GFRA2: variants seen among roughly 807,000 people sequenced by gnomAD.
GFRA2 encodes GDNF family receptor alpha 2, also known as GDNF family receptor alpha-2.
GFRA2 carries 17 observed loss-of-function variants against 48.3 expected under a neutral mutation model. That is an observed-to-expected ratio of 0.35 (90% CI 0.24 to 0.53). The LOEUF (loss-of-function observed/expected upper bound fraction) is 0.53. Ranked by LOEUF, GFRA2 falls within the 20% of genes least tolerant of loss-of-function variation. The probability of loss-of-function intolerance (pLI) is 0.93; values close to 1 mark genes in which losing one functional copy is unlikely to be tolerated. For synonymous variants in GFRA2, 305 were observed against 257.2 expected (o/e 1.19, Z -1.78); for missense variants, 660 against 637.3 (o/e 1.04, Z -0.38).
intron 2 of GFRA2, among the ~76,000 whole-genome samples, chr8:21,797,287 CTT>C (rs1159867192): frequency 3.4e-4 from 29 of 85,632 alleles, no homozygotes; most frequent in African/African-American, 1.1e-3. Context: ...CCTTTCTTTG[CTT>C]TTTTTTTTTT....
intron 7 of GFRA2, among the ~76,000 whole-genome samples, chr8:21,700,336 C>A (rs755393437): frequency 7.9e-5 from 12 of 152,198 alleles, no homozygotes; most frequent in Non-Finnish European, 1.6e-4. Flanking sequence ...GGAGGCAGGG[C>A]TGCCCAGAGA....
chr8:21,707,223 G>C (rs1802792743), intron 4 of GFRA2, among the ~76,000 whole-genome samples: 1 of 152,152 alleles, frequency 6.6e-6, no homozygotes, highest in African/African-American at 2.4e-5. Context: ...CAGAACCCAG[G>C]TCACCCAAAT....
At chr8:21,766,924 C>G (rs938134776) in intron 3 of GFRA2, among the ~76,000 whole-genome samples, 1 of 75,012 alleles carries the variant, frequency 1.3e-5, no homozygotes, top group Non-Finnish European at 2.9e-5. Flanking sequence ...CATACCTACA[C>G]ACACAAACAC....
chr8:21,709,284 C>T (rs1226763411), intron 4 of GFRA2, among the ~76,000 whole-genome samples: 2 of 152,236 alleles, frequency 1.3e-5, no homozygotes, highest in Non-Finnish European at 2.9e-5. Flanking sequence ...GGATTTCTTC[C>T]GTTTCCATAT....
chr8:21,730,963 TAG>T (rs1174980427), intron 4 of GFRA2, among the ~76,000 whole-genome samples: 1 of 151,902 alleles, frequency 6.6e-6, no homozygotes, highest in African/African-American at 2.4e-5. Context: ...CGAGACGAGG[TAG>T]ATTCAGGGCT....
intron 4 of GFRA2, among the ~76,000 whole-genome samples, chr8:21,729,990 T>C (rs1472217103): frequency 6.6e-6 from 1 of 151,898 alleles, no homozygotes; most frequent in Non-Finnish European, 1.5e-5. Flanking sequence ...CTCTGGGGAA[T>C]TCAGGGAGGA....
intron 2 of GFRA2, among the ~76,000 whole-genome samples, chr8:21,777,133 G>A (rs1451322509): frequency 6.6e-6 from 1 of 152,208 alleles, no homozygotes; most frequent in Admixed American, 6.5e-5. Flanking sequence ...TAAGTAGCTT[G>A]ACCAAGGTCA....
intron 7 of GFRA2, among the ~76,000 whole-genome samples, chr8:21,700,172 G>A (rs1802401234): frequency 6.6e-6 from 1 of 152,192 alleles, no homozygotes; most frequent in South Asian, 2.1e-4. Flanking sequence ...GTCCAAGACT[G>A]ACCTGACACT....
rs1802662765 is a variant in GFRA2, at chr8:21,704,934, C to T, written c.1045+51G>A. 19 of 1,397,776 alleles carry T rather than the reference C, an allele frequency of 1.4e-5. No homozygotes were observed. In the South Asian group the frequency reaches 2.0e-4, roughly 15 times the overall value. The allele number at this position is 1,397,776 out of a possible 1,614,324, so 86.6% of individuals were successfully genotyped here. A position where few individuals can be genotyped will look rare whatever the true frequency, so the allele number is the denominator to read the frequency against. ...AGATGGGAATGGCTAGGACAGACTC[C>T]AGGAGGGGTGGGAGGGGCTGCTGGG... On this transcript the variant is annotated intron_variant, in intron 6 of 8. Coordinates refer to ENST00000524240, the MANE Select transcript of GFRA2 (RefSeq NM_001495.5).
At chr8:21,775,937 G>C (rs1806672277) in intron 2 of GFRA2, among the ~76,000 whole-genome samples, 1 of 151,760 alleles carries the variant, frequency 6.6e-6, no homozygotes, top group African/African-American at 2.4e-5. Flanking sequence ...AAAGGAAATA[G>C]TCTCTTGAGA....
rs111678009 is a variant in GFRA2 at position 21,754,843 on chromosome 8, G to A, written c.440-3901C>T. 5.2e-3 allele frequency among the ~76,000 whole-genome samples: 787 copies of A among 152,184 alleles called. 6 individuals are homozygous for A. The highest frequency in any genetic ancestry group is 0.018 in the African/African-American group (759 of 41,528). On this transcript the variant is annotated intron_variant, in intron 3 of 8. Transcript: ENST00000524240. ...CCTTTAAAGGCAGAAAGAGAAAAGT[G>A]CCCTCTCTTCTTGTTATAAAAATAA...
intron 4 of GFRA2, among the ~76,000 whole-genome samples, chr8:21,747,989 A>G (rs1805095468): frequency 6.6e-6 from 1 of 151,780 alleles, no homozygotes; most frequent in Admixed American, 6.6e-5. Flanking sequence ...TTTCCAGTAG[A>G]TTTCTGCCTC....
chr8:21,767,741 A>G (rs2117676145), intron 3 of GFRA2, among the ~76,000 whole-genome samples: 1 of 152,344 alleles, frequency 6.6e-6, no homozygotes, highest in South Asian at 2.1e-4. Context: ...TCATCCAAAA[A>G]AATCTCACTT....
At chr8:21,777,887 C>T (rs909436232) in intron 2 of GFRA2, among the ~76,000 whole-genome samples, 62 of 152,226 alleles carry the variant, frequency 4.1e-4, no homozygotes, top group African/African-American at 1.1e-3. Flanking sequence ...GGGGTGAGCC[C>T]GAATGATTGC....
chr8:21,693,141 G>T lies in GFRA2; in HGVS notation c.*137C>A. ...TCTCCAGAGAAGAAACCTGGGAGGA[G>T]ACAGGTTCAGCGACAAGGTGGGAAA... On this transcript the variant is annotated 3_prime_UTR_variant, in exon 9 of 9. Coordinates refer to ENST00000524240, the MANE Select transcript of GFRA2 (RefSeq NM_001495.5). 1.3e-6 allele frequency: 1 copy of T among 741,746 alleles called. No homozygotes were observed. Among genetic ancestry groups the T allele is most frequent in the Non-Finnish European group, 1.9e-6 (1 of 514,190 alleles). The allele number at this position is 741,746 out of a possible 1,614,324, so 45.9% of individuals were successfully genotyped here.
At chr8:21,782,934 C>A in intron 1 of GFRA2, 35 bp from the exon 2 acceptor site, 1 of 1,518,572 alleles carries the variant, frequency 6.6e-7, no homozygotes. Flanking sequence ...GCATGAATGA[C>A]GGCCGCCACA....
At chr8:21,725,771 T>C (rs1934117245) in intron 4 of GFRA2, among the ~76,000 whole-genome samples, 1 of 152,098 alleles carries the variant, frequency 6.6e-6, no homozygotes, top group African/African-American at 2.4e-5. Flanking sequence ...TGAACCCAGG[T>C]CTCTCTGCAG....
intron 3 of GFRA2, among the ~76,000 whole-genome samples, chr8:21,773,524 C>G (rs1806540352): frequency 2.0e-5 from 3 of 152,178 alleles, no homozygotes; most frequent in African/African-American, 7.2e-5. Flanking sequence ...GGCGTCACCT[C>G]AAGGGAGCAA....
chr8:21,742,410 C>G (rs1804791296), intron 4 of GFRA2, among the ~76,000 whole-genome samples: 1 of 152,190 alleles, frequency 6.6e-6, no homozygotes, highest in South Asian at 2.1e-4. Flanking sequence ...GCCCTCATCA[C>G]AGGGCCTTTA....
Sources: gnomAD v4.1 joint callset for allele counts (sites outside exome capture counted in the v4.1 genomes callset) on GRCh38, gnomAD v4.1.1 for gene constraint, MANE v1.5 for transcripts, NCBI Gene and HGNC (gene_info 2026-07-23, HGNC 2026-07-21) for gene names.